The following VPS13D variants were observed in gnomAD, a reference collection of about 807,000 sequenced individuals.
VPS13D encodes the protein vacuolar protein sorting 13 homolog D, also known as intermembrane lipid transfer protein VPS13D.
In VPS13D, 187 loss-of-function variants were observed where a neutral mutation model predicts 461.9. The ratio of observed to expected loss-of-function variants is 0.40; its 90% CI spans 0.36 to 0.46. The LOEUF is 0.46. Ranked by LOEUF, VPS13D falls within the 20% of genes least tolerant of loss-of-function variation. The pLI, the probability that VPS13D is intolerant of heterozygous loss-of-function variation, is 0.60. For missense variants in VPS13D, 4,711 were observed against 5,364.9 expected (o/e 0.88, Z 3.81); for synonymous variants, 1,951 against 1,986.3 (o/e 0.98, Z 0.47).
intron 25 of VPS13D, among the ~76,000 whole-genome samples, chr1:12,302,118 A>G (rs1405609871): frequency 6.6e-6 from 1 of 152,230 alleles, no homozygotes; most frequent in Non-Finnish European, 1.5e-5. Flanking sequence ...ACCATGGTTA[A>G]GTATTTGTGT....
intron 67 of VPS13D, among the ~76,000 whole-genome samples, chr1:12,477,078 G>T (rs1485847166): frequency 1.3e-5 from 2 of 152,230 alleles, no homozygotes; most frequent in Non-Finnish European, 1.5e-5. Flanking sequence ...TGGGCATGTA[G>T]TTGCTAGTAT....
Position 12,507,973 on chromosome 1 carries a change from C to T in VPS13D, c.13035+880C>T, listed in dbSNP as rs980639438. Among the ~76,000 whole-genome samples, 3 of 152,250 alleles carry T rather than the reference C, an allele frequency of 2.0e-5. No homozygotes were observed. The highest frequency in any genetic ancestry group is 4.8e-5 in the African/African-American group (2 of 41,462). ...GCCCACCTCTGCTCTCTCTATGGAT[C>T]GGAAATAGCGCCAGCCTTATTGGGC... On this transcript the variant is annotated intron_variant, in intron 69 of 69. Transcript: ENST00000620676. This position sits in a 1 kb window ranked among gnomAD's most constrained non-coding sequence, Gnocchi z 5.3.
chr1:12,491,777 T>C (rs1375332078), intron 67 of VPS13D, among the ~76,000 whole-genome samples: 1 of 152,178 alleles, frequency 6.6e-6, no homozygotes, highest in Non-Finnish European at 1.5e-5. Context: ...AGTTCAAAGC[T>C]CAAGTTGGTT....
chr1:12,439,150 T>C (rs1645098731), intron 65 of VPS13D, among the ~76,000 whole-genome samples: 1 of 152,118 alleles, frequency 6.6e-6, no homozygotes, highest in Admixed American at 6.5e-5. Context: ...CCCGTTTCAC[T>C]CCACATAGAA....
rs749282137 is a variant in VPS13D, at chr1:12,277,346, A to T, written c.3758A>T (p.Tyr1253Phe). The change falls in exon 19 of 70, where the codon TAC becomes TTC. Residue 1253 changes from tyrosine to phenylalanine, a missense_variant. Tyr to Phe is a conservative substitution (Grantham distance 22, BLOSUM62 3). Around this residue, in one of 3 missense-constraint regions of VPS13D, gnomAD observed 4,411 missense variants for 4,937.8 expected, o/e 0.89. Transcript: ENST00000620676. ...GAAAATATCATCAGTGATATTGGCT[A>T]CTTTGAATCTGTGTTTGTCAGAATG... is the stretch of plus-strand genomic sequence containing the variant. Reference protein sequence around the residue: ...GYENIISDIGYFESVFVRMED... With the variant: ...GYENIISDIGFFESVFVRMED... The T allele has an allele frequency of 1.2e-6, 2 of 1,614,200 alleles. No homozygotes were observed.
intron 13 of VPS13D, among the ~76,000 whole-genome samples, chr1:12,263,288 A>T (rs569966386): frequency 6.6e-6 from 1 of 152,204 alleles, no homozygotes; most frequent in African/African-American, 2.4e-5. Flanking sequence ...ATAGAAGACC[A>T]TGGGAGGGAT....
intron 60 of VPS13D, among the ~76,000 whole-genome samples, chr1:12,398,826 C>T (rs1314671829): frequency 1.3e-5 from 2 of 152,136 alleles, no homozygotes; most frequent in Non-Finnish European, 2.9e-5. Context: ...TTTAAATTGT[C>T]TTGAAGGAAT....
At chr1:12,404,013 C>T in intron 63 of VPS13D, 40 bp downstream of exon 63, 1 of 1,552,414 alleles carries the variant, frequency 6.4e-7, no homozygotes, top group Non-Finnish European at 8.7e-7. Context: ...GATGATTTTT[C>T]CTTGGAAAAG....
intron 67 of VPS13D, among the ~76,000 whole-genome samples, chr1:12,483,814 A>G (rs1358926182): frequency 6.6e-6 from 1 of 152,046 alleles, no homozygotes; most frequent in Non-Finnish European, 1.5e-5. Flanking sequence ...CCTGACCAAC[A>G]TGGTGAAACC....
intron 54 of VPS13D, among the ~76,000 whole-genome samples, chr1:12,373,112 T>G (rs1644146639): frequency 6.9e-6 from 1 of 144,480 alleles, no homozygotes; most frequent in South Asian, 2.3e-4. Context: ...TTTTTTTTTT[T>G]TTTTTTTTTT....
rs549171315 is a variant in VPS13D, at chr1:12,460,071, T to C, written c.12467-130T>C. On this transcript the variant is annotated intron_variant, in intron 66 of 69. Transcript: ENST00000620676. ...GGATCCTCTTCTGTGAGTTGGCCTG[T>C]CTGTGGCCTCTCTGGCACAGAGATT... The C allele has an allele frequency of 9.4e-6, 7 of 748,048 alleles. No homozygotes were observed. The East Asian group carries it at 2.2e-4, about 23-fold the overall frequency. The allele number at this position is 748,048 out of a possible 1,614,324, so 46.3% of individuals were successfully genotyped here.
chr1:12,287,625 A>T (rs947404047), intron 21 of VPS13D, among the ~76,000 whole-genome samples: 3 of 152,216 alleles, frequency 2.0e-5, no homozygotes, highest in Non-Finnish European at 4.4e-5. Flanking sequence ...GACATATAAG[A>T]TCTTTTTAAT....
At chr1:12,408,898 T>G (rs1399682473) in intron 63 of VPS13D, among the ~76,000 whole-genome samples, 1 of 152,224 alleles carries the variant, frequency 6.6e-6, no homozygotes. Context: ...CTACTTCTTC[T>G]TTTCCTGATC....
At chr1:12,416,532 A>G (rs1381692048) in intron 64 of VPS13D, 128 bp from the exon 65 acceptor site, 18 of 1,001,304 alleles carry the variant, frequency 1.8e-5, no homozygotes, top group South Asian at 1.5e-4. Flanking sequence ...AAAAGCTTTT[A>G]ATCTCGTTAC....
At chr1:12,448,949 A>G (rs1407106652) in intron 65 of VPS13D, among the ~76,000 whole-genome samples, 2 of 152,212 alleles carry the variant, frequency 1.3e-5, no homozygotes, top group African/African-American at 4.8e-5. Context: ...ACAGCAGGAC[A>G]GTCCTGAGGC....
At chr1:12,488,192 G>T (rs373987534) in intron 67 of VPS13D, among the ~76,000 whole-genome samples, 2 of 152,310 alleles carry the variant, frequency 1.3e-5, no homozygotes, top group Non-Finnish European at 1.5e-5. Flanking sequence ...TCGCATTTTG[G>T]TATTTTCAAT....
At chr1:12,467,721 G>A (rs1333456514) in intron 67 of VPS13D, among the ~76,000 whole-genome samples, 1 of 152,136 alleles carries the variant, frequency 6.6e-6, no homozygotes, top group African/African-American at 2.4e-5. Context: ...ATGCACACAC[G>A]TGTTTGAGAA....
At chr1:12,238,239 AATAT>A (rs1225994902) in intron 2 of VPS13D, among the ~76,000 whole-genome samples, 4 of 138,054 alleles carry the variant, frequency 2.9e-5, no homozygotes, top group Non-Finnish European at 4.7e-5. Context: ...CCCCCCAAAA[AATAT>A]ATATATATAC....
intron 67 of VPS13D, among the ~76,000 whole-genome samples, chr1:12,482,992 G>A (rs1645744934): frequency 6.6e-6 from 1 of 152,052 alleles, no homozygotes; most frequent in Admixed American, 6.5e-5. Flanking sequence ...ATTTGTTGCT[G>A]TTGTAAGCAT....
Sources: allele counts gnomAD v4.1 joint callset (sites outside exome capture counted in the v4.1 genomes callset), GRCh38; gene constraint gnomAD v4.1.1; regional missense constraint gnomAD v4.1.1; non-coding constraint Gnocchi (gnomAD v3.1); transcripts MANE v1.5; gene names NCBI Gene and HGNC (gene_info 2026-07-23, HGNC 2026-07-21).